The following NFAT5 variants were observed in gnomAD, a reference collection of about 807,000 sequenced individuals.
NFAT5 encodes nuclear factor of activated T cells 5, also known as nuclear factor of activated T-cells 5.
Under a neutral mutation model 166.5 loss-of-function variants are expected in NFAT5, and 31 were observed. The ratio of observed to expected loss-of-function variants is 0.19; its 90% CI spans 0.14 to 0.25. The LOEUF (loss-of-function observed/expected upper bound fraction) is 0.25. Ranked by LOEUF, NFAT5 falls within the 10% of genes least tolerant of loss-of-function variation. The pLI is 1.00. For synonymous variants in NFAT5, 612 were observed against 639.7 expected (o/e 0.96, Z 0.65); for missense variants, 1,449 against 1,821.8 (o/e 0.80, Z 3.72).
chr16:69,648,749 T>C, intron 4 of NFAT5: 1 of 973,516 alleles, frequency 1.0e-6, no homozygotes, highest in Non-Finnish European at 1.2e-6. Context: ...CAGGATCTCC[T>C]ACAATTTCAG....
At chr16:69,686,433 G>A (rs2037307721) in intron 11 of NFAT5, among the ~76,000 whole-genome samples, 1 of 152,204 alleles carries the variant, frequency 6.6e-6, no homozygotes, top group African/African-American at 2.4e-5. Flanking sequence ...TGAGGTAGGA[G>A]GATTGCTTGA....
intron 2 of NFAT5, among the ~76,000 whole-genome samples, chr16:69,583,353 G>C (rs1597352594): frequency 6.6e-6 from 1 of 151,246 alleles, no homozygotes; most frequent in African/African-American, 2.4e-5. Flanking sequence ...AGTGTTTACA[G>C]GTGTATAACA....
At chr16:69,643,448 A>AT (rs34235987) in intron 3 of NFAT5, among the ~76,000 whole-genome samples, 9 of 151,528 alleles carry the variant, frequency 5.9e-5, no homozygotes, top group Admixed American at 1.3e-4. Flanking sequence ...GATATTAAGG[A>AT]TTTTTTTCAT....
chr16:69,667,579 T>G (rs955356210), intron 7 of NFAT5, among the ~76,000 whole-genome samples: 2 of 152,010 alleles, frequency 1.3e-5, no homozygotes, highest in African/African-American at 4.8e-5. Flanking sequence ...ATTCTAAACC[T>G]TGGGGCCTCA....
At position 69,668,284 on chromosome 16, in the gene NFAT5, G is replaced by A. The variant is rs370559354; in HGVS notation, c.1370-1693G>A. Among the ~76,000 whole-genome samples, 43 of 152,204 alleles carry A rather than the reference G, an allele frequency of 2.8e-4. No individual in the cohort carries two copies. In the East Asian group the frequency reaches 5.8e-3, roughly 20 times the overall value. ...ATTACAGGCGTGAGCCACCTCACCC[G>A]GCCAGTGTATTTGTTTATACATTAA... On this transcript the variant is annotated intron_variant, in intron 7 of 14. Coordinates refer to ENST00000349945, the MANE Select transcript of NFAT5 (RefSeq NM_138713.4).
At chr16:69,609,895 A>G (rs573899941) in intron 2 of NFAT5, among the ~76,000 whole-genome samples, 67 of 151,900 alleles carry the variant, frequency 4.4e-4, no homozygotes, top group African/African-American at 1.5e-3. Context: ...GGCCCAGCAT[A>G]CTTGGGACAT....
intron 2 of NFAT5, among the ~76,000 whole-genome samples, chr16:69,575,591 C>T (rs1216543945): frequency 1.3e-5 from 2 of 151,732 alleles, no homozygotes; most frequent in South Asian, 2.1e-4. Context: ...GCACTCCAGC[C>T]TGGGCAACAG....
chr16:69,635,151 C>T (rs2034906319), intron 3 of NFAT5, among the ~76,000 whole-genome samples: 1 of 149,872 alleles, frequency 6.7e-6, no homozygotes, highest in Non-Finnish European at 1.5e-5. Flanking sequence ...GCTGGGATTA[C>T]AGGCACCTGT....
Position 69,566,206 on chromosome 16 carries a change from C to A in NFAT5, c.-96C>A. On this transcript the variant is annotated 5_prime_UTR_variant, in exon 1 of 15. Transcript: ENST00000349945. The surrounding 1 kb of genome is among the most constrained non-coding windows in gnomAD (Gnocchi z 5.7). ...GCGGCAGCCGCCCTCGCGTCGCCGC[C>A]CCCGGTTCGGTGCCCGCGGTCCCGG... The A allele has an allele frequency of 8.7e-7, 1 of 1,155,826 alleles. No individual in the cohort carries two copies. Among genetic ancestry groups the A allele is most frequent in the Non-Finnish European group, 1.2e-6 (1 of 806,238 alleles). The allele number at this position is 1,155,826 out of a possible 1,614,324, so 71.6% of individuals were successfully genotyped here. A position where few individuals can be genotyped will look rare whatever the true frequency, so the allele number is the denominator to read the frequency against.
chr16:69,621,810 T>C (rs779866447), intron 2 of NFAT5, among the ~76,000 whole-genome samples: 34 of 151,886 alleles, frequency 2.2e-4, no homozygotes, highest in Non-Finnish European at 4.7e-4. Flanking sequence ...TACAAAAAGT[T>C]TTTTTAAAAA....
At chr16:69,681,286 C>T (rs920780642) in intron 10 of NFAT5, among the ~76,000 whole-genome samples, 4 of 152,066 alleles carry the variant, frequency 2.6e-5, no homozygotes, top group Non-Finnish European at 5.9e-5. Flanking sequence ...CTAATATTTA[C>T]GGGTTGGAGT....
chr16:69,571,708 TG>T lies in NFAT5; in HGVS notation c.127+3166del, dbSNP rs796764860. On this transcript the variant is annotated intron_variant, in intron 2 of 14. Transcript: ENST00000349945. The stretch of plus-strand genomic sequence containing the variant: ...GTTTTCCAAATTTAAATTTTTTTTT[TG>T]GGGGGAAACAAGGTTGGAAAACCTG... Among the ~76,000 whole-genome samples, 163 of 144,572 alleles carry T rather than the reference TG, an allele frequency of 1.1e-3. 1 individual carries two copies. Among genetic ancestry groups the T allele is most frequent in the African/African-American group, 1.7e-3 (68 of 38,866 alleles). The allele number at this position is 144,572 out of a possible 152,430, so 94.8% of individuals were successfully genotyped here.
chr16:69,632,470 G>C (rs1309983211), intron 3 of NFAT5: 3 of 152,128 alleles, frequency 2.0e-5, no homozygotes, highest in Non-Finnish European at 2.9e-5. Flanking sequence ...ATAGAATATT[G>C]AGTTGAAAAG....
rs530792078 is a variant in NFAT5, at chr16:69,678,427, C to T, written c.1690+1092C>T. The stretch of plus-strand genomic sequence containing the variant: ...ACGAGGTTTCACCATGTTAGCCAGG[C>T]TGGTCTCAAATTCCTGACCTTGTGA... On this transcript the variant is annotated intron_variant, in intron 10 of 14. Coordinates refer to ENST00000349945, the MANE Select transcript of NFAT5 (RefSeq NM_138713.4). Among the ~76,000 whole-genome samples, 3 of 152,126 alleles carry T rather than the reference C, an allele frequency of 2.0e-5. No homozygotes were observed. In the South Asian group the frequency reaches 6.2e-4, roughly 32 times the overall value.
intron 10 of NFAT5, among the ~76,000 whole-genome samples, chr16:69,681,476 T>G (rs2037055792): frequency 6.6e-6 from 1 of 152,224 alleles, no homozygotes; most frequent in Non-Finnish European, 1.5e-5. Flanking sequence ...TGGGCTATGG[T>G]AGCATGAGGA....
At chr16:69,652,453 G>GAAA (rs74216983) in intron 4 of NFAT5, among the ~76,000 whole-genome samples, 1 of 60,634 alleles carries the variant, frequency 1.6e-5, no homozygotes, top group African/African-American at 6.5e-5. Context: ...CTCCATCTCA[G>GAAA]AAAAAAAAAA....
At chr16:69,581,881 C>CT (rs551104884) in intron 2 of NFAT5, among the ~76,000 whole-genome samples, 4 of 152,078 alleles carry the variant, frequency 2.6e-5, no homozygotes, top group African/African-American at 4.8e-5. Flanking sequence ...TATGCATTAA[C>CT]TTTTTTTGGT....
intron 3 of NFAT5, among the ~76,000 whole-genome samples, chr16:69,643,552 G>A (rs374424358): frequency 2.0e-5 from 3 of 151,920 alleles, no homozygotes; most frequent in East Asian, 1.9e-4. Flanking sequence ...ATAGCAAATC[G>A]TTACCTCTAG....
rs1305451866 is a variant in NFAT5, at chr16:69,647,645, A to C, written c.812+59A>C. Reference sequence around the variant, plus strand: ...ATTATGCAAAACAAACAAACAAAAAAAATTCCCAATTTTTCCTAATTGCTG... The same window carrying C: ...ATTATGCAAAACAAACAAACAAAAACAATTCCCAATTTTTCCTAATTGCTG... On this transcript the variant is annotated intron_variant, in intron 4 of 14. Transcript: ENST00000349945. This position sits in a 1 kb window ranked among gnomAD's most constrained non-coding sequence, Gnocchi z 4.8. 1 of 1,457,262 alleles carries C rather than the reference A, an allele frequency of 6.9e-7. No individual in the cohort carries two copies. The highest frequency in any genetic ancestry group is 9.1e-7 in the Non-Finnish European group (1 of 1,098,466). The allele number at this position is 1,457,262 out of a possible 1,614,324, so 90.3% of individuals were successfully genotyped here.
Sources: gnomAD v4.1 joint callset for allele counts (sites outside exome capture counted in the v4.1 genomes callset) on GRCh38, gnomAD v4.1.1 for gene constraint, Gnocchi (gnomAD v3.1) non-coding constraint, MANE v1.5 for transcripts, NCBI Gene and HGNC (gene_info 2026-07-23, HGNC 2026-07-21) for gene names.